Variants in ROBO2 observed in about 807,000 individuals in gnomAD.
ROBO2 encodes roundabout guidance receptor 2, also known as roundabout homolog 2.
ROBO2 carries 53 observed loss-of-function variants against 160.8 expected under a neutral mutation model. The ratio of observed to expected loss-of-function variants is 0.33; its 90% CI spans 0.26 to 0.41. ROBO2 has a LOEUF of 0.41. ROBO2 is among the 10% of genes least tolerant of loss of function. The pLI is 1.00. For synonymous variants in ROBO2, 664 were observed against 611.7 expected, an observed-to-expected ratio of 1.09 and a Z score of -1.26; for missense variants, 1,577 against 1,722.4, an observed-to-expected ratio of 0.92 and a Z score of 1.49.
exon 26 of ROBO2, chr3:77,647,827 C>A (rs912337426): frequency 6.6e-6 from 1 of 152,110 alleles, no homozygotes; most frequent in African/African-American, 2.4e-5. Flanking sequence ...CTTTGAGTGA[C>A]AATTCGCACT....
At chr3:76,944,457 C>A (rs539411081) in intron 2 of ROBO2, among the ~76,000 whole-genome samples, 12 of 152,218 alleles carry the variant, frequency 7.9e-5, no homozygotes, top group Non-Finnish European at 2.9e-5. Flanking sequence ...TTTTATAAAT[C>A]CACAGGTATT....
At chr3:76,664,596 G>A (rs759881560) in intron 2 of ROBO2, among the ~76,000 whole-genome samples, 1 of 152,102 alleles carries the variant, frequency 6.6e-6, no homozygotes, top group African/African-American at 2.4e-5. Flanking sequence ...TTTGGAAAAC[G>A]CTTCAGGTCA....
At chr3:77,641,870 T>C (rs181913298) in intron 24 of ROBO2, among the ~76,000 whole-genome samples, 67 of 152,262 alleles carry the variant, frequency 4.4e-4, no homozygotes, top group African/African-American at 1.5e-3. Context: ...GGAGTTGATA[T>C]TGGAACCTTA....
chr3:76,650,492 T>TTA (rs1316446741), intron 2 of ROBO2, among the ~76,000 whole-genome samples: 1 of 151,706 alleles, frequency 6.6e-6, no homozygotes. Context: ...TTTTTTTTTT[T>TTA]ATTTTTTTCT....
chr3:77,082,704 CTA>C (rs35367984), intron 1 of ROBO2, among the ~76,000 whole-genome samples: 10,105 of 148,122 alleles, frequency 0.068, 1,080 homozygotes, highest in African/African-American at 0.23. Flanking sequence ...TAGTAACATT[CTA>C]TATATATATA....
At chr3:77,363,483 T>C (rs529866066) in intron 2 of ROBO2, among the ~76,000 whole-genome samples, 3 of 152,242 alleles carry the variant, frequency 2.0e-5, no homozygotes, top group Admixed American at 2.0e-4. Flanking sequence ...CAGAAAGGTA[T>C]AACAAATTAA....
At chr3:76,383,576 A>T (rs147763716) in intron 2 of ROBO2, among the ~76,000 whole-genome samples, 64 of 152,326 alleles carry the variant, frequency 4.2e-4, no homozygotes, top group African/African-American at 1.5e-3. Flanking sequence ...GTTCCAAAGA[A>T]TGCATACAAA....
intron 2 of ROBO2, among the ~76,000 whole-genome samples, chr3:76,973,593 A>T (rs1222114599): frequency 6.6e-6 from 1 of 152,148 alleles, no homozygotes; most frequent in Non-Finnish European, 1.5e-5. Context: ...TTCATGTATG[A>T]TGGGCACCAT....
At chr3:76,457,733 G>A (rs2324616) in intron 2 of ROBO2, among the ~76,000 whole-genome samples, 152,302 of 152,322 alleles carry the variant, frequency 1, 76,141 homozygotes, top group Middle Eastern at 1. Flanking sequence ...ATTTCCATAC[G>A]TGTTCTGAAA....
chr3:76,917,734 A>G (rs908851596), intron 2 of ROBO2, among the ~76,000 whole-genome samples: 6 of 140,818 alleles, frequency 4.3e-5, no homozygotes, highest in Non-Finnish European at 6.1e-5. Context: ...AGGGGATAAT[A>G]TCTGGTGAGC....
intron 1 of ROBO2, among the ~76,000 whole-genome samples, chr3:75,922,203 T>G (rs1219320005): frequency 1.3e-5 from 2 of 152,134 alleles, no homozygotes; most frequent in African/African-American, 4.8e-5. Context: ...CTATATGTAT[T>G]TTATAGTTGC....
intron 2 of ROBO2, among the ~76,000 whole-genome samples, chr3:76,061,195 A>G (rs980332971): frequency 6.6e-6 from 1 of 152,238 alleles, no homozygotes; most frequent in Non-Finnish European, 1.5e-5. Context: ...TGTAGTTATC[A>G]TTCCTAAAAC....
intron 2 of ROBO2, among the ~76,000 whole-genome samples, chr3:77,320,611 T>C (rs563452698): frequency 6.6e-6 from 1 of 152,222 alleles, no homozygotes; most frequent in South Asian, 2.1e-4. Context: ...ACATTTATTG[T>C]TGATGAAAGG....
At chr3:76,713,611 G>A (rs900381899) in intron 2 of ROBO2, among the ~76,000 whole-genome samples, 9 of 152,136 alleles carry the variant, frequency 5.9e-5, no homozygotes, top group African/African-American at 1.9e-4. Context: ...AGTACAGTGA[G>A]TATTAAACAT....
At chr3:76,567,648 TATATACACATAC>T (rs2084641186) in intron 2 of ROBO2, among the ~76,000 whole-genome samples, 2 of 86,112 alleles carry the variant, frequency 2.3e-5, no homozygotes, top group Non-Finnish European at 4.7e-5. Flanking sequence ...TATATATATA[TATATACACATAC>T]ACATATATAT....
intron 1 of ROBO2, among the ~76,000 whole-genome samples, chr3:77,081,138 A>AT (rs2068612372): frequency 6.6e-6 from 1 of 152,334 alleles, no homozygotes; most frequent in South Asian, 2.1e-4. Context: ...ACTATCAAGT[A>AT]TTTTGATATC....
chr3:77,192,191 A>G (rs2081915518), intron 2 of ROBO2, among the ~76,000 whole-genome samples: 1 of 152,210 alleles, frequency 6.6e-6, no homozygotes, highest in African/African-American at 2.4e-5. Flanking sequence ...ATGTCAATAT[A>G]TTCTCAATGA....
At chr3:77,534,893 T>G (rs948712292) in intron 6 of ROBO2, among the ~76,000 whole-genome samples, 1 of 152,182 alleles carries the variant, frequency 6.6e-6, no homozygotes, top group African/African-American at 2.4e-5. Context: ...CAAATGTTGG[T>G]GCAGTTAATT....
At chr3:76,350,784 A>C (rs918420758) in intron 2 of ROBO2, among the ~76,000 whole-genome samples, 1 of 151,936 alleles carries the variant, frequency 6.6e-6, no homozygotes, top group South Asian at 2.1e-4. Context: ...AACAAGTAGA[A>C]ACACTAAATA....
Sources: gnomAD v4.1 joint callset for allele counts (sites outside exome capture counted in the v4.1 genomes callset) on GRCh38, gnomAD v4.1.1 for gene constraint, MANE v1.5 for transcripts, NCBI Gene and HGNC (gene_info 2026-07-23, HGNC 2026-07-21) for gene names.